Variants in BCAS3 observed in about 807,000 individuals in gnomAD.
BCAS3 encodes BCAS3 microtubule associated cell migration factor.
In BCAS3, 53 loss-of-function variants were observed where a neutral mutation model predicts 116.1. The observed-to-expected ratio is 0.46, with a 90% CI of 0.37 to 0.57. BCAS3 has a LOEUF of 0.57. Ranked by LOEUF, BCAS3 falls within the 20% of genes least tolerant of loss-of-function variation. The pLI is 0.00. For synonymous variants in BCAS3, 391 were observed against 408.2 expected (o/e 0.96, Z 0.51); for missense variants, 917 against 1,165.4 (o/e 0.79, Z 3.10).
intron 22 of BCAS3, among the ~76,000 whole-genome samples, chr17:61,254,046 A>G (rs2048571320): frequency 1.3e-5 from 2 of 152,084 alleles, no homozygotes; most frequent in South Asian, 4.1e-4. Flanking sequence ...GCCCACTGGG[A>G]CCCTACTTAA....
rs1482298245 is a variant in BCAS3, at chr17:61,254,713, G to T, written c.2426-113614G>T. On this transcript the variant is annotated intron_variant, in intron 22 of 23. Transcript: ENST00000407086. ...AATCACTTGAACCTGGGAGGTGGAGGTTGCAGTGAGCCGAGATTGCGCCAC... is the reference window on the plus strand; with the variant it reads ...AATCACTTGAACCTGGGAGGTGGAGTTTGCAGTGAGCCGAGATTGCGCCAC... Among the ~76,000 whole-genome samples the T allele has an allele frequency of 1.4e-5, 2 of 144,408 alleles. 1 individual carries two copies. Among genetic ancestry groups the T allele is most frequent in the East Asian group, 4.1e-4 (2 of 4,890 alleles). The allele number at this position is 144,408 out of a possible 152,430, so 94.7% of individuals were successfully genotyped here. A position where few individuals can be genotyped will look rare whatever the true frequency, so the allele number is the denominator to read the frequency against.
intron 7 of BCAS3, among the ~76,000 whole-genome samples, chr17:60,839,853 G>T (rs1387847718): frequency 1.3e-5 from 2 of 152,024 alleles, no homozygotes; most frequent in Non-Finnish European, 2.9e-5. Context: ...ACTTATACAT[G>T]CACATTCTTG....
chr17:61,196,057 T>A lies in BCAS3; in HGVS notation c.2425+111493T>A, dbSNP rs2080459495. The stretch of plus-strand genomic sequence containing the variant: ...AAATATAGCTTGTTTTTACCTCTCA[T>A]CTAACTTTGGAGACCACAGTCGCCT... On this transcript the variant is annotated intron_variant, in intron 22 of 23. Coordinates refer to ENST00000407086, the MANE Select transcript of BCAS3 (RefSeq NM_017679.5). This position sits in a 1 kb window ranked among gnomAD's most constrained non-coding sequence, Gnocchi z 4.7. 6.6e-6 allele frequency among the ~76,000 whole-genome samples: 1 copy of A among 152,218 alleles called. No homozygotes were observed. The highest frequency in any genetic ancestry group is 2.4e-5 in the African/African-American group (1 of 41,464).
chr17:60,947,625 T>C (rs574508201), intron 14 of BCAS3, among the ~76,000 whole-genome samples: 1 of 152,324 alleles, frequency 6.6e-6, no homozygotes, highest in Non-Finnish European at 1.5e-5. Flanking sequence ...GACCATTTCT[T>C]GCCCCAGGGA....
At position 61,019,926 on chromosome 17, in the gene BCAS3, A is replaced by G. The variant is rs1026464850; in HGVS notation, c.1637+4025A>G. ...TAGTATTTTTAAAATAAAATCAACA[A>G]GAAGTATTTGACATGGATTATGTAG... On this transcript the variant is annotated intron_variant, in intron 16 of 23. Transcript: ENST00000407086. The surrounding 1 kb of genome is among the most constrained non-coding windows in gnomAD (Gnocchi z 5.6). Among the ~76,000 whole-genome samples the G allele has an allele frequency of 3.5e-4, 53 of 152,214 alleles. No individual in the cohort carries two copies. The highest frequency in any genetic ancestry group is 1.2e-3 in the African/African-American group (48 of 41,442).
At chr17:60,869,202 G>C (rs1032099508) in intron 8 of BCAS3, among the ~76,000 whole-genome samples, 1 of 152,136 alleles carries the variant, frequency 6.6e-6, no homozygotes, top group Non-Finnish European at 1.5e-5. Context: ...TCATTTAATT[G>C]CTGGGAAAAT....
At chr17:60,895,841 GTA>G (rs1301797486) in intron 10 of BCAS3, among the ~76,000 whole-genome samples, 2 of 152,080 alleles carry the variant, frequency 1.3e-5, no homozygotes, top group Non-Finnish European at 2.9e-5. Flanking sequence ...GTCCCTTTTG[GTA>G]TTTATTTCTA....
At chr17:60,782,628 C>T (rs1192154687) in intron 6 of BCAS3, among the ~76,000 whole-genome samples, 2 of 150,864 alleles carry the variant, frequency 1.3e-5, no homozygotes, top group African/African-American at 2.4e-5. Flanking sequence ...GCTCTGTCGC[C>T]AGACTGGAGT....
chr17:60,803,796 AT>A (rs11384999), intron 6 of BCAS3, among the ~76,000 whole-genome samples: 8,090 of 89,186 alleles, frequency 0.091, 730 homozygotes, highest in African/African-American at 0.36. Flanking sequence ...AACTATTACG[AT>A]TTTTTTTTTT....
rs1300995837 is a variant in BCAS3 at position 61,119,205 on chromosome 17, G to C, written c.2425+34641G>C. ...GGTTTTTCTAATCCCCTCTCAGAGA[G>C]GCTTTTAAAAATGAATGACTAAAAC... On this transcript the variant is annotated intron_variant, in intron 22 of 23. Coordinates refer to ENST00000407086, the MANE Select transcript of BCAS3 (RefSeq NM_017679.5). Among the ~76,000 whole-genome samples, 35 of 152,040 alleles carry C rather than the reference G, an allele frequency of 2.3e-4. 1 individual carries two copies. Among genetic ancestry groups the C allele is most frequent in the Non-Finnish European group, 1.0e-4 (7 of 68,008 alleles).
chr17:61,232,263 A>G (rs1368392429), intron 22 of BCAS3, among the ~76,000 whole-genome samples: 1 of 151,778 alleles, frequency 6.6e-6, no homozygotes, highest in Non-Finnish European at 1.5e-5. Flanking sequence ...AGCATTCCAC[A>G]AAGTCAGTGG....
chr17:60,873,289 G>T (rs1417214593), intron 8 of BCAS3, among the ~76,000 whole-genome samples: 1 of 152,016 alleles, frequency 6.6e-6, no homozygotes, highest in Non-Finnish European at 1.5e-5. Context: ...TCTAACAGTA[G>T]TCACTCATTA....
At position 61,037,966 on chromosome 17, in the gene BCAS3, C is replaced by G. The variant is rs1478994062; in HGVS notation, c.1840C>G (p.Pro614Ala). ...CACCTTAGTGGAACACATGATGGAG[C>G]CGCGACCCCTCAGCACTGCACCCAA... ...YGTLVEHMMEPRPLSTAPKIS... is the reference protein window; with the variant it reads ...YGTLVEHMMEARPLSTAPKIS... Residue 614 changes from proline to alanine, a missense_variant, in exon 18 of 24, where the codon CCG becomes GCG. Pro to Ala is a conservative substitution (Grantham distance 27). Coordinates refer to ENST00000407086, the MANE Select transcript of BCAS3 (RefSeq NM_017679.5). This position sits in a 1 kb window ranked among gnomAD's most constrained non-coding sequence, Gnocchi z 4.7. 1.2e-6 allele frequency: 2 copies of G among 1,614,022 alleles called. No individual in the cohort carries two copies. The highest frequency in any genetic ancestry group is 1.7e-6 in the Non-Finnish European group (2 of 1,179,934).
At chr17:61,236,942 C>T (rs963192414) in intron 22 of BCAS3, among the ~76,000 whole-genome samples, 1 of 152,108 alleles carries the variant, frequency 6.6e-6, no homozygotes, top group African/African-American at 2.4e-5. Context: ...AAAGAGAAGA[C>T]TGAAAAAGTA....
rs1036349287 is a variant in BCAS3 at position 61,188,405 on chromosome 17, A to G, written c.2425+103841A>G. On this transcript the variant is annotated intron_variant, in intron 22 of 23. Transcript: ENST00000407086. This position sits in a 1 kb window ranked among gnomAD's most constrained non-coding sequence, Gnocchi z 4.0. ...GTGTTCTCCATGGAATTTTTCAACA[A>G]GAGAGTTCCCACTCGATTCCTAGTT... Among the ~76,000 whole-genome samples, 1 of 151,820 alleles carries G rather than the reference A, an allele frequency of 6.6e-6. No individual in the cohort carries two copies. Among genetic ancestry groups the G allele is most frequent in the African/African-American group, 2.4e-5 (1 of 41,066 alleles).
chr17:61,017,844 A>G lies in BCAS3; in HGVS notation c.1637+1943A>G, dbSNP rs2065570364. Among the ~76,000 whole-genome samples the G allele has an allele frequency of 6.6e-6, 1 of 152,162 alleles. No homozygotes were observed. Among genetic ancestry groups the G allele is most frequent in the Admixed American group, 6.5e-5 (1 of 15,274 alleles). ...TACAACCCGATTTCTCTCTACACTG[A>G]GATGAATAGAAACTGTTAGTCATTT... On this transcript the variant is annotated intron_variant, in intron 16 of 23. Transcript: ENST00000407086. The surrounding 1 kb of genome is among the most constrained non-coding windows in gnomAD (Gnocchi z 4.7).
In BCAS3 at chr17:61,181,252, AGAT is replaced by A. The variant is rs1358037980; in HGVS notation, c.2425+96692_2425+96694del. Among the ~76,000 whole-genome samples the A allele has an allele frequency of 6.6e-6, 1 of 152,164 alleles. No homozygotes were observed. Among genetic ancestry groups the A allele is most frequent in the East Asian group, 1.9e-4 (1 of 5,200 alleles). ...TAATTGGTATGACTGGTGAGGAACA[AGAT>A]GATTCGTTCCTTGCCTAAGCCCATG... On this transcript the variant is annotated intron_variant, in intron 22 of 23. Coordinates refer to ENST00000407086, the MANE Select transcript of BCAS3 (RefSeq NM_017679.5). This position sits in a 1 kb window ranked among gnomAD's most constrained non-coding sequence, Gnocchi z 5.0.
intron 15 of BCAS3, among the ~76,000 whole-genome samples, chr17:61,010,369 G>A (rs947427210): frequency 6.6e-6 from 1 of 151,850 alleles, no homozygotes; most frequent in Non-Finnish European, 1.5e-5. Flanking sequence ...GCAGACAGTG[G>A]AACTATGTGT....
chr17:60,947,292 C>T lies in BCAS3; in HGVS notation c.1161C>T (p.Ser387=). ...TCCAAATTCTGACTCATCCTTGGTC[C>T]TCATCACAATGTGCTGTCCACCATC... The part of the protein sequence containing the change: ...HVFQILTHPW[S]SSQCAVHHLY... Residue 387 remains serine (S), a synonymous_variant, in exon 14 of 24, where the codon TCC becomes TCT. Coordinates refer to ENST00000407086, the MANE Select transcript of BCAS3 (RefSeq NM_017679.5). 6.2e-7 allele frequency: 1 copy of T among 1,612,892 alleles called. No individual in the cohort carries two copies. Among genetic ancestry groups the T allele is most frequent in the Non-Finnish European group, 8.5e-7 (1 of 1,178,938 alleles).
Sources: allele counts gnomAD v4.1 joint callset (sites outside exome capture counted in the v4.1 genomes callset), GRCh38; gene constraint gnomAD v4.1.1; non-coding constraint Gnocchi (gnomAD v3.1); transcripts MANE v1.5; gene names NCBI Gene and HGNC (gene_info 2026-07-23, HGNC 2026-07-21).